The following SGCD variants were observed in gnomAD, a reference collection of about 807,000 sequenced individuals.
SGCD encodes delta-sarcoglycan.
SGCD carries 18 observed loss-of-function variants against 36.6 expected under a neutral mutation model. The ratio of observed to expected loss-of-function variants is 0.49; its 90% CI spans 0.34 to 0.73. The LOEUF (loss-of-function observed/expected upper bound fraction) is 0.73, where lower values mean the gene tolerates loss of function less well. Among genes scored for constraint, SGCD ranks in the 30% least tolerant of loss-of-function variants. The pLI is 0.01. For missense variants in SGCD, 387 were observed against 346.7 expected (o/e 1.12, Z -0.92); for synonymous variants, 133 against 130.6 (o/e 1.02, Z -0.12).
At chr5:155,796,639 A>G in the SGCD span, among the ~76,000 whole-genome samples, 2 of 151,842 alleles carry the variant, frequency 1.3e-5, no homozygotes, top group Admixed American at 6.6e-5. Flanking sequence ...GCCCGTCTCT[A>G]TTAAAAATAC....
At chr5:156,073,093 G>A (rs547112931) in intron 1 of SGCD, among the ~76,000 whole-genome samples, 2 of 152,118 alleles carry the variant, frequency 1.3e-5, no homozygotes, top group South Asian at 4.2e-4. Flanking sequence ...CCTGTAGCTC[G>A]GAGTAGTTTG....
At chr5:156,655,034 C>G (rs1763618448) in intron 7 of SGCD, among the ~76,000 whole-genome samples, 1 of 152,092 alleles carries the variant, frequency 6.6e-6, no homozygotes, top group South Asian at 2.1e-4. Flanking sequence ...AAAATTCTCA[C>G]TGCAGTTAAG....
chr5:156,083,770 C>G (rs1318097598), intron 1 of SGCD, among the ~76,000 whole-genome samples: 1 of 151,576 alleles, frequency 6.6e-6, no homozygotes, highest in Non-Finnish European at 1.5e-5. Flanking sequence ...AGCTTTAGAT[C>G]AGGTTTTTTT....
intron 4 of SGCD, among the ~76,000 whole-genome samples, chr5:156,546,647 A>C (rs1362572049): frequency 6.6e-6 from 1 of 152,236 alleles, no homozygotes; most frequent in African/African-American, 2.4e-5. Context: ...AGATAATTAG[A>C]GAAAGCTTTA....
the SGCD span, among the ~76,000 whole-genome samples, chr5:155,817,120 A>G: frequency 6.6e-6 from 1 of 152,296 alleles, no homozygotes; most frequent in South Asian, 2.1e-4. Context: ...AACAGTATAA[A>G]TTTTATCATA....
At chr5:155,760,124 C>T in the SGCD span, among the ~76,000 whole-genome samples, 3 of 151,872 alleles carry the variant, frequency 2.0e-5, no homozygotes, top group African/African-American at 7.2e-5. Flanking sequence ...TCAACCTCTC[C>T]ATCATCATCT....
intron 3 of SGCD, among the ~76,000 whole-genome samples, chr5:156,420,075 GT>G (rs1423251122): frequency 6.6e-6 from 1 of 152,036 alleles, no homozygotes; most frequent in East Asian, 1.9e-4. Context: ...TCTTACTTTA[GT>G]TTTCTCAACC....
intron 1 of SGCD, among the ~76,000 whole-genome samples, chr5:156,027,551 G>C (rs1004418588): frequency 6.6e-6 from 1 of 151,968 alleles, no homozygotes; most frequent in Non-Finnish European, 1.5e-5. Context: ...TTTTTCCTTA[G>C]ATGACAGGGG....
At chr5:156,138,448 A>AAG in intron 3 of SGCD, among the ~76,000 whole-genome samples, 1 of 152,122 alleles carries the variant, frequency 6.6e-6, no homozygotes, top group African/African-American at 2.4e-5. Context: ...ACATGGTCTT[A>AAG]TGGGATATAT....
chr5:156,607,986 A>G (rs1761563053), intron 6 of SGCD, among the ~76,000 whole-genome samples: 1 of 152,128 alleles, frequency 6.6e-6, no homozygotes, highest in Non-Finnish European at 1.5e-5. Context: ...GATCTTTTCA[A>G]AAAAACAGCT....
At chr5:156,148,290 G>T (rs1264757646) in intron 3 of SGCD, among the ~76,000 whole-genome samples, 1 of 152,126 alleles carries the variant, frequency 6.6e-6, no homozygotes, top group Non-Finnish European at 1.5e-5. Flanking sequence ...TGCAAACACA[G>T]CACCTGGAAA....
At chr5:156,333,760 GCTTT>G (rs1333314676) in intron 2 of SGCD, among the ~76,000 whole-genome samples, 3 of 59,790 alleles carry the variant, frequency 5.0e-5, no homozygotes, top group Non-Finnish European at 7.0e-5. Context: ...ATTTATGTGT[GCTTT>G]CTTTATGTTA....
intron 3 of SGCD, among the ~76,000 whole-genome samples, chr5:156,143,714 C>A (rs79543923): frequency 0.012 from 1,876 of 152,042 alleles, 37 homozygotes; most frequent in African/African-American, 0.043. Flanking sequence ...GGCCTGCAGC[C>A]TCATTCTTTT....
the SGCD span, among the ~76,000 whole-genome samples, chr5:155,838,057 C>G: frequency 6.6e-6 from 1 of 151,994 alleles, no homozygotes; most frequent in African/African-American, 2.4e-5. Context: ...CCTACCGATG[C>G]TCCCTCCTCC....
At position 156,263,421 on chromosome 5, in the gene SGCD, T is replaced by C. The variant is rs367889800; in HGVS notation, c.-43-66113T>C. ...TTCTTTTGAGAATTGTCTATTCATG[T>C]CCTTAGCCCATTTTTTTTATGAAGT... On this transcript the variant is annotated intron_variant, in intron 3 of 9. Transcript: ENST00000517913. Among the ~76,000 whole-genome samples, 8 of 152,136 alleles carry C rather than the reference T, an allele frequency of 5.3e-5. No homozygotes were observed. In the East Asian group the frequency reaches 1.5e-3, roughly 29 times the overall value.
chr5:155,835,795 T>C, the SGCD span, among the ~76,000 whole-genome samples: 8 of 152,196 alleles, frequency 5.3e-5, no homozygotes, highest in African/African-American at 1.9e-4. Flanking sequence ...CCAAAAGTAT[T>C]AAAATGGAAC....
Position 156,523,859 on chromosome 5 carries a change from G to A in SGCD, c.294+15157G>A, listed in dbSNP as rs541393416. On this transcript the variant is annotated intron_variant, in intron 4 of 8. Transcript: ENST00000337851. ...ACCTCTGAAGTACCTTGCAGGTGCA[G>A]TACCTGGTTTATGGTGTTATGAATG... Among the ~76,000 whole-genome samples the A allele has an allele frequency of 3.3e-5, 5 of 151,666 alleles. No individual in the cohort carries two copies. The South Asian group carries it at 6.3e-4, about 19-fold the overall frequency.
At chr5:155,926,811 A>C (rs183626558) in intron 1 of SGCD, among the ~76,000 whole-genome samples, 151 of 152,334 alleles carry the variant, frequency 9.9e-4, no homozygotes, top group African/African-American at 3.5e-3. Context: ...AGAAATTTAC[A>C]ATAAAATTTC....
intron 7 of SGCD, among the ~76,000 whole-genome samples, chr5:156,737,750 T>A (rs79454686): frequency 0.012 from 1,858 of 152,296 alleles, 28 homozygotes; most frequent in Middle Eastern, 0.02. Flanking sequence ...ATACTTACAT[T>A]GACTATTAAT....
Sources: gnomAD v4.1 joint callset for allele counts (sites outside exome capture counted in the v4.1 genomes callset) on GRCh38, gnomAD v4.1.1 for gene constraint, MANE v1.5 for transcripts, NCBI Gene and HGNC (gene_info 2026-07-23, HGNC 2026-07-21) for gene names.